FYB1: variants seen among roughly 807,000 people sequenced by gnomAD.
FYB1 encodes the protein FYN-binding protein 1.
In FYB1, 41 loss-of-function variants were observed where a neutral mutation model predicts 94.1. The observed-to-expected ratio is 0.44, with a 90% CI of 0.34 to 0.57. FYB1 has a LOEUF of 0.57. Ranked by LOEUF, FYB1 falls within the 20% of genes least tolerant of loss-of-function variation. FYB1 has a pLI of 0.02. For missense variants in FYB1, 1,050 were observed against 976.8 expected, an observed-to-expected ratio of 1.07 and a Z score of -1.00; for synonymous variants, 367 against 353.2, an observed-to-expected ratio of 1.04 and a Z score of -0.44.
chr5:39,122,207 T>G (rs1580318501), intron 14 of FYB1, 129 bp downstream of exon 14: 1 of 626,690 alleles, frequency 1.6e-6, no homozygotes, highest in East Asian at 2.9e-5. Context: ...AGCATAGCTT[T>G]AGAGAGGAGT....
intron 1 of FYB1, among the ~76,000 whole-genome samples, chr5:39,241,428 T>G (rs1452918715): frequency 6.6e-6 from 1 of 152,200 alleles, no homozygotes; most frequent in East Asian, 1.9e-4. Context: ...TTCTACGCCC[T>G]GATTCTGAGA....
At chr5:39,259,394 G>C (rs1164453039) in intron 1 of FYB1, among the ~76,000 whole-genome samples, 1 of 152,238 alleles carries the variant, frequency 6.6e-6, no homozygotes, top group Admixed American at 6.5e-5. Flanking sequence ...CAGAATTACT[G>C]TGGGCCTGAA....
chr5:39,164,721 A>G (rs17380263), intron 2 of FYB1, among the ~76,000 whole-genome samples: 27,734 of 152,126 alleles, frequency 0.18, 2,676 homozygotes, highest in Non-Finnish European at 0.21. Context: ...GGCCTGTGCT[A>G]CATTAATTTA....
At chr5:39,111,552 C>T (rs568757082) in intron 16 of FYB1, among the ~76,000 whole-genome samples, 1 of 151,706 alleles carries the variant, frequency 6.6e-6, no homozygotes, top group South Asian at 2.1e-4. Flanking sequence ...AATGAACTTT[C>T]CCTTGAAGTG....
intron 2 of FYB1, among the ~76,000 whole-genome samples, chr5:39,189,433 A>G (rs1747163854): frequency 6.6e-6 from 1 of 152,144 alleles, no homozygotes; most frequent in African/African-American, 2.4e-5. Flanking sequence ...AGCAACAGAA[A>G]ATAAACCCAC....
At chr5:39,215,034 G>T (rs185808430) in intron 1 of FYB1, among the ~76,000 whole-genome samples, 88 of 152,256 alleles carry the variant, frequency 5.8e-4, no homozygotes, top group African/African-American at 2.1e-3. Flanking sequence ...AGGGAGGAGG[G>T]AACAGGCAAT....
At chr5:39,133,579 T>C (rs896667473) in intron 9 of FYB1, among the ~76,000 whole-genome samples, 1 of 152,042 alleles carries the variant, frequency 6.6e-6, no homozygotes, top group Admixed American at 6.5e-5. Context: ...AAGGGAGGGA[T>C]GGCCAATCTC....
upstream of FYB1, among the ~76,000 whole-genome samples, chr5:39,220,481 A>T (rs1300629280): frequency 6.6e-6 from 1 of 151,866 alleles, no homozygotes; most frequent in Admixed American, 6.6e-5. Flanking sequence ...AAGAAACTCA[A>T]AAAAGAAAAG....
At chr5:39,257,357 A>G (rs1365197014) in intron 1 of FYB1, among the ~76,000 whole-genome samples, 2 of 151,956 alleles carry the variant, frequency 1.3e-5, no homozygotes, top group Non-Finnish European at 2.9e-5. Flanking sequence ...CCCTTTAAAT[A>G]CTTTTTAAAA....
intron 1 of FYB1, among the ~76,000 whole-genome samples, chr5:39,206,624 C>T (rs1483006897): frequency 6.6e-6 from 1 of 152,128 alleles, no homozygotes; most frequent in Non-Finnish European, 1.5e-5. Flanking sequence ...CCTCATTTAC[C>T]AGTACAGTAT....
chr5:39,155,079 C>T (rs1012456071), intron 2 of FYB1, among the ~76,000 whole-genome samples: 30 of 152,124 alleles, frequency 2.0e-4, no homozygotes, highest in African/African-American at 5.8e-4. Flanking sequence ...TATAACACAA[C>T]GAAGAAAGCC....
rs1740222614 is a variant in FYB1 at position 39,122,517 on chromosome 5, C to T, written c.2072-115G>A. ...TTCAAGGACAATAAAATAAGTTGTC[C>T]TAGTGTCTCGGTAAATTTCTCCTGG... On this transcript the variant is annotated intron_variant, in intron 13 of 18. Coordinates refer to ENST00000512982, the MANE Select transcript of FYB1 (RefSeq NM_001465.6). The T allele has an allele frequency of 1.3e-5, 8 of 617,910 alleles. No individual in the cohort carries two copies. In the South Asian group the frequency reaches 1.7e-4, roughly 13 times the overall value. 38.3% of individuals were successfully genotyped at this position (617,910 alleles called of 1,614,324 possible). A position where few individuals can be genotyped will look rare whatever the true frequency, so the allele number is the denominator to read the frequency against.
At chr5:39,172,381 G>A (rs192937491) in intron 2 of FYB1, among the ~76,000 whole-genome samples, 1 of 152,186 alleles carries the variant, frequency 6.6e-6, no homozygotes, top group Non-Finnish European at 1.5e-5. Flanking sequence ...GAGAGGCAGA[G>A]GTTGCAGTGA....
chr5:39,114,884 G>A (rs1411034540), intron 16 of FYB1, among the ~76,000 whole-genome samples: 2 of 152,262 alleles, frequency 1.3e-5, no homozygotes, highest in East Asian at 3.9e-4. Context: ...GAAGCTCAGA[G>A]TCTAATAAGA....
chr5:39,152,901 A>G (rs1245393190), intron 3 of FYB1, among the ~76,000 whole-genome samples: 8 of 152,224 alleles, frequency 5.3e-5, no homozygotes, highest in African/African-American at 1.9e-4. Context: ...GATTCAGACT[A>G]CATTGGTTGA....
At chr5:39,149,217 A>T (rs775442003) in intron 3 of FYB1, among the ~76,000 whole-genome samples, 20 of 152,204 alleles carry the variant, frequency 1.3e-4, no homozygotes, top group Non-Finnish European at 2.4e-4. Flanking sequence ...CTCTTAAAAC[A>T]TCCTGACCTG....
intron 18 of FYB1, among the ~76,000 whole-genome samples, 162 bp downstream of exon 18, chr5:39,108,069 T>A (rs1313498212): frequency 6.6e-6 from 1 of 151,980 alleles, no homozygotes. Flanking sequence ...AATGCGGTAT[T>A]TTCCCCCCAT....
chr5:39,148,381 GTTTTTTTT>G lies in FYB1; in HGVS notation c.1292+5059_1292+5066del, dbSNP rs538508812. Among the ~76,000 whole-genome samples the G allele has an allele frequency of 1.6e-3, 60 of 38,168 alleles. 4 individuals are homozygous for G. The East Asian group carries it at 0.036, about 23-fold the overall frequency. 25.0% of individuals were successfully genotyped at this position (38,168 alleles called of 152,430 possible). ...GCATTTAGCTTTTAATTATCAGCAG[GTTTTTTTT>G]TTTTTTTTTTTTTTTTTTTTTTTTT... On this transcript the variant is annotated intron_variant, in intron 3 of 18. Transcript: ENST00000512982.
chr5:39,240,703 C>G (rs1431361989), intron 1 of FYB1, among the ~76,000 whole-genome samples: 1 of 152,158 alleles, frequency 6.6e-6, no homozygotes, highest in African/African-American at 2.4e-5. Flanking sequence ...GAAAAGGGAA[C>G]ATTTACACAG....
Sources: gnomAD v4.1 joint callset for allele counts (sites outside exome capture counted in the v4.1 genomes callset) on GRCh38, gnomAD v4.1.1 for gene constraint, MANE v1.5 for transcripts, NCBI Gene and HGNC (gene_info 2026-07-23, HGNC 2026-07-21) for gene names.